The following DLGAP2 variants were observed in gnomAD, a reference collection of about 807,000 sequenced individuals.
The protein encoded by DLGAP2 is DLG associated protein 2, also known as disks large-associated protein 2.
DLGAP2 carries 26 observed loss-of-function variants against 100.3 expected under a neutral mutation model. The observed-to-expected ratio is 0.26, with a 90% CI of 0.19 to 0.36. The LOEUF (loss-of-function observed/expected upper bound fraction) is 0.36, where lower values mean the gene tolerates loss of function less well. DLGAP2 is among the 10% of genes least tolerant of loss of function. The pLI is 1.00. For synonymous variants in DLGAP2, 886 were observed against 630.1 expected, an observed-to-expected ratio of 1.41 and a Z score of -6.08; for missense variants, 1,858 against 1,453.2, an observed-to-expected ratio of 1.28 and a Z score of -4.53.
intron 3 of DLGAP2, among the ~76,000 whole-genome samples, chr8:1,476,119 T>G (rs1798923219): frequency 6.6e-6 from 1 of 152,202 alleles, no homozygotes; most frequent in South Asian, 2.1e-4. Context: ...AACAAGACAG[T>G]GAGCCCGTTC....
At chr8:1,240,037 C>G (rs1454463355) in intron 2 of DLGAP2, among the ~76,000 whole-genome samples, 11 of 151,516 alleles carry the variant, frequency 7.3e-5, no homozygotes, top group Admixed American at 3.3e-4. Flanking sequence ...GGCGCCGTGT[C>G]TAGTTCTCTC....
At chr8:1,271,881 C>G (rs1170632473) in intron 3 of DLGAP2, among the ~76,000 whole-genome samples, 1 of 152,184 alleles carries the variant, frequency 6.6e-6, no homozygotes, top group Non-Finnish European at 1.5e-5. Context: ...GTGGTGCAAC[C>G]TCAGCTCACT....
chr8:1,550,253 A>G (rs1306379775), intron 5 of DLGAP2, among the ~76,000 whole-genome samples: 1 of 152,006 alleles, frequency 6.6e-6, no homozygotes, highest in Non-Finnish European at 1.5e-5. Flanking sequence ...TTCTTTATCC[A>G]TCATTTGCCG....
Position 1,332,423 on chromosome 8 carries a change from C to T in DLGAP2, c.106+73540C>T, listed in dbSNP as rs557700276. 2.2e-3 allele frequency among the ~76,000 whole-genome samples: 340 copies of T among 151,874 alleles called. 2 individuals are homozygous for T. Among genetic ancestry groups the T allele is most frequent in the African/African-American group, 7.8e-3 (323 of 41,366 alleles). ...TGCATGTGTGAGTATATGCGTGTGT[C>T]AGTGTATATATGTCTGTGTACACAT... is the stretch of plus-strand genomic sequence containing the variant. On this transcript the variant is annotated intron_variant, in intron 3 of 14. Transcript: ENST00000637795.
chr8:1,316,580 T>A (rs1306554051), intron 3 of DLGAP2, among the ~76,000 whole-genome samples: 3 of 139,404 alleles, frequency 2.2e-5, no homozygotes, highest in Non-Finnish European at 4.6e-5. Context: ...CCAACAGTGG[T>A]CTACACTCGA....
chr8:1,638,306 G>A (rs1467913287), intron 8 of DLGAP2, among the ~76,000 whole-genome samples: 1 of 152,062 alleles, frequency 6.6e-6, no homozygotes, highest in Non-Finnish European at 1.5e-5. Context: ...CAATCTGTCC[G>A]GTGTCCTTAT....
intron 1 of DLGAP2, among the ~76,000 whole-genome samples, chr8:903,253 CAGCAGGTTGGGGAAT>C (rs1408160164): frequency 6.6e-6 from 1 of 152,052 alleles, no homozygotes; most frequent in Admixed American, 6.5e-5. Flanking sequence ...TGAAGCTACT[CAGCAGGTTGGGGAAT>C]AGCTGGGTTT....
At chr8:1,452,172 G>A (rs906917438) in intron 3 of DLGAP2, among the ~76,000 whole-genome samples, 6 of 152,252 alleles carry the variant, frequency 3.9e-5, no homozygotes, top group African/African-American at 7.2e-5. Context: ...GCATAGCCCC[G>A]TGGCTGGATG....
In DLGAP2 at chr8:1,240,552, TGTGTCTAGTTCTCTTACATGGCGCC is replaced by T. The variant is rs1563273916; in HGVS notation, c.74-18284_74-18260del. 1.8e-4 allele frequency among the ~76,000 whole-genome samples: 22 copies of T among 118,996 alleles called. No individual in the cohort carries two copies. In the South Asian group the frequency reaches 3.4e-3, roughly 18 times the overall value. 78.1% of individuals were successfully genotyped at this position (118,996 alleles called of 152,430 possible). On this transcript the variant is annotated intron_variant, in intron 2 of 14. Coordinates refer to ENST00000637795, the MANE Select transcript of DLGAP2 (RefSeq NM_001346810.2). ...CGTGTCTAGTTCTCTCACATGGCGC[TGTGTCTAGTTCTCTTACATGGCGCC>T]GTGTCTAGTTCTCTCACATGGTGCC...
intron 2 of DLGAP2, among the ~76,000 whole-genome samples, chr8:1,185,951 G>A (rs1012166419): frequency 6.6e-6 from 1 of 152,054 alleles, no homozygotes; most frequent in African/African-American, 2.4e-5. Context: ...CCATGATCTC[G>A]GGGCCTCCTG....
chr8:1,362,706 G>A (rs1010810261), intron 3 of DLGAP2, among the ~76,000 whole-genome samples: 1 of 152,172 alleles, frequency 6.6e-6, no homozygotes, highest in Non-Finnish European at 1.5e-5. Flanking sequence ...TCTATTTTCC[G>A]CCCATTTGCT....
chr8:1,552,701 A>G (rs749192444), intron 5 of DLGAP2, among the ~76,000 whole-genome samples: 1 of 152,250 alleles, frequency 6.6e-6, no homozygotes, highest in Non-Finnish European at 1.5e-5. Flanking sequence ...GAATAAGAAG[A>G]GAGAAATAAA....
At chr8:1,416,934 A>G (rs943268420) in intron 3 of DLGAP2, among the ~76,000 whole-genome samples, 3 of 152,130 alleles carry the variant, frequency 2.0e-5, no homozygotes, top group Non-Finnish European at 4.4e-5. Flanking sequence ...TCCCGGAAAC[A>G]GATTTGCTTC....
chr8:906,626 A>G (rs1024723705), intron 1 of DLGAP2, among the ~76,000 whole-genome samples: 1 of 152,144 alleles, frequency 6.6e-6, no homozygotes, highest in Non-Finnish European at 1.5e-5. Context: ...CTCAGACTGC[A>G]CTGATGAAAA....
At chr8:1,084,102 A>G (rs1028305652) in intron 2 of DLGAP2, among the ~76,000 whole-genome samples, 2 of 152,228 alleles carry the variant, frequency 1.3e-5, no homozygotes, top group Non-Finnish European at 2.9e-5. Flanking sequence ...TCTTAACTCA[A>G]TTATATATTT....
At chr8:1,615,637 G>A (rs991638375) in intron 6 of DLGAP2, among the ~76,000 whole-genome samples, 1 of 147,686 alleles carries the variant, frequency 6.8e-6, no homozygotes, top group African/African-American at 2.5e-5. Flanking sequence ...TCTTTAAACA[G>A]CCATTGTAGT....
At chr8:1,114,139 G>A (rs142078366) in intron 2 of DLGAP2, among the ~76,000 whole-genome samples, 3,033 of 152,226 alleles carry the variant, frequency 0.02, 55 homozygotes, top group African/African-American at 0.05. Context: ...TGTTCATCAA[G>A]GATATTGGCC....
At chr8:766,186 A>G (rs768500818) in intron 1 of DLGAP2, among the ~76,000 whole-genome samples, 33 of 152,056 alleles carry the variant, frequency 2.2e-4, no homozygotes, top group Non-Finnish European at 2.9e-5. Flanking sequence ...AAAAACAAGA[A>G]ACAAAACCAA....
At chr8:978,596 G>T (rs75484568) in intron 2 of DLGAP2, among the ~76,000 whole-genome samples, 7 of 111,768 alleles carry the variant, frequency 6.3e-5, no homozygotes, top group Non-Finnish European at 1.4e-4. Flanking sequence ...GCAGTGAGGG[G>T]CTGGGTTCTG....
Sources: gnomAD v4.1 joint callset for allele counts (sites outside exome capture counted in the v4.1 genomes callset) on GRCh38, gnomAD v4.1.1 for gene constraint, MANE v1.5 for transcripts, NCBI Gene and HGNC (gene_info 2026-07-23, HGNC 2026-07-21) for gene names.